The following SPARCL1 variants were observed in gnomAD, a reference collection of about 807,000 sequenced individuals.
SPARCL1 encodes the protein SPARC-like protein 1.
Under a neutral mutation model 67.1 loss-of-function variants are expected in SPARCL1, and 52 were observed. The ratio of observed to expected loss-of-function variants is 0.78; its 90% confidence interval spans 0.62 to 0.98. The LOEUF is 0.98. Ranked by LOEUF, SPARCL1 falls within the 50% of genes least tolerant of loss-of-function variation. SPARCL1 has a pLI of 0.00. For missense variants in SPARCL1, 717 were observed against 782.4 expected (o/e 0.92, Z 1.00); for synonymous variants, 226 against 267.8 (o/e 0.84, Z 1.52).
rs1046006383 is a variant in SPARCL1 at position 87,480,253 on chromosome 4, A to G, written c.1817+119T>C. On this transcript the variant is annotated intron_variant, in intron 9 of 10. Coordinates refer to ENST00000282470, the MANE Select transcript of SPARCL1 (RefSeq NM_004684.6). ...GTTTAGACTCCTAACCAGGCATTTCAGTATTCTAAAATGGAACTGGGAAAT... is the reference window on the plus strand; with the variant it reads ...GTTTAGACTCCTAACCAGGCATTTCGGTATTCTAAAATGGAACTGGGAAAT... 5 of 781,120 alleles carry G rather than the reference A, an allele frequency of 6.4e-6. No homozygotes were observed. In the African/African-American group the frequency reaches 7.1e-5, roughly 11 times the overall value. The allele number at this position is 781,120 out of a possible 1,614,324, so 48.4% of individuals were successfully genotyped here.
intron 1 of SPARCL1, among the ~76,000 whole-genome samples, chr4:87,514,110 C>T (rs1725486083): frequency 6.6e-6 from 1 of 152,172 alleles, no homozygotes; most frequent in South Asian, 2.1e-4. Context: ...AGGAGAATTT[C>T]TTGAACCCAG....
At chr4:87,489,708 C>T in intron 7 of SPARCL1, among the ~76,000 whole-genome samples, 1 of 152,176 alleles carries the variant, frequency 6.6e-6, no homozygotes, top group East Asian at 1.9e-4. Context: ...GATATATGGT[C>T]ATACCTAACG....
At chr4:87,497,973 G>A (rs556648671) in intron 2 of SPARCL1, among the ~76,000 whole-genome samples, 8 of 152,156 alleles carry the variant, frequency 5.3e-5, no homozygotes, top group South Asian at 4.2e-4. Flanking sequence ...TACCCAGGCC[G>A]GTCTTGAACT....
intron 1 of SPARCL1, among the ~76,000 whole-genome samples, chr4:87,525,603 G>A (rs773990509): frequency 3.7e-4 from 56 of 152,124 alleles, no homozygotes; most frequent in Non-Finnish European, 6.0e-4. Context: ...TCCCCTGTAT[G>A]CCACAGTAAA....
intron 1 of SPARCL1, among the ~76,000 whole-genome samples, chr4:87,510,033 T>C (rs1386604838): frequency 6.6e-6 from 1 of 152,210 alleles, no homozygotes; most frequent in Non-Finnish European, 1.5e-5. Flanking sequence ...CAAGACTTTT[T>C]TGAGTTGGTT....
At chr4:87,499,205 A>T (rs1471483778) in intron 2 of SPARCL1, among the ~76,000 whole-genome samples, 2 of 152,114 alleles carry the variant, frequency 1.3e-5, no homozygotes, top group Admixed American at 1.3e-4. Context: ...TAACAATGTG[A>T]TGAGCTTCCC....
chr4:87,514,197 A>G (rs893292958), intron 1 of SPARCL1, among the ~76,000 whole-genome samples: 2 of 152,228 alleles, frequency 1.3e-5, no homozygotes, highest in Non-Finnish European at 2.9e-5. Context: ...CAAAAAAAAG[A>G]AAAAAGATTA....
rs769178403 is a variant in SPARCL1, at chr4:87,482,526, C to T, written c.1566G>A (p.Gln522=). The change falls in exon 8 of 11, where the codon CAG becomes CAA. Residue 522 remains glutamine, a synonymous_variant. Coordinates refer to ENST00000282470, the MANE Select transcript of SPARCL1 (RefSeq NM_004684.6). ...GCCAGTCTCTCATCCGTAGAGGAAA[C>T]TGAATCACTTCAAAGTCCGTACAAG... The part of the protein sequence containing the change: ...IPTCTDFEVI[Q]FPLRMRDWLK... 17 of 1,613,912 alleles carry T rather than the reference C, an allele frequency of 1.1e-5. No homozygotes were observed. The South Asian group carries it at 1.9e-4, about 18-fold the overall frequency.
Position 87,493,726 on chromosome 4 carries a change from A to G in SPARCL1, c.1074T>C (p.Ser358=), listed in dbSNP as rs145979726. The change falls in exon 4 of 11, where the codon AGT becomes AGC. Residue 358 remains serine, a synonymous_variant. Coordinates refer to ENST00000282470, the MANE Select transcript of SPARCL1 (RefSeq NM_004684.6). ...CCTGGCTTGGGATGAAGTAGTCATC[A>G]CTTGCACTGTGCCTGGGGCCATCAG... ...GGTDGPRHSA[S]DDYFIPSQAF... 59 of 1,614,142 alleles carry G rather than the reference A, an allele frequency of 3.7e-5. 1 individual carries two copies. In the East Asian group the frequency reaches 1.3e-3, roughly 36 times the overall value.
At chr4:87,520,923 A>G (rs996499459) in intron 1 of SPARCL1, among the ~76,000 whole-genome samples, 1 of 152,220 alleles carries the variant, frequency 6.6e-6, no homozygotes, top group African/African-American at 2.4e-5. Flanking sequence ...TGTATCTCCT[A>G]GAAAAGAGGA....
At chr4:87,477,450 G>A (rs1482988314) in intron 10 of SPARCL1, among the ~76,000 whole-genome samples, 2 of 152,196 alleles carry the variant, frequency 1.3e-5, no homozygotes, top group South Asian at 2.1e-4. Context: ...TCCTCCTGCT[G>A]TAGCAGGATT....
intron 1 of SPARCL1, among the ~76,000 whole-genome samples, chr4:87,516,223 C>A (rs1374105705): frequency 6.6e-6 from 1 of 152,158 alleles, no homozygotes. Context: ...GATCCTGTGC[C>A]ACTCCAGATC....
intron 1 of SPARCL1, among the ~76,000 whole-genome samples, chr4:87,510,943 C>T (rs1725323876): frequency 6.6e-6 from 1 of 152,242 alleles, no homozygotes; most frequent in Non-Finnish European, 1.5e-5. Context: ...GGAGTTTGCT[C>T]CTGCTGGTGC....
At chr4:87,500,490 C>T (rs890020594) in intron 1 of SPARCL1, among the ~76,000 whole-genome samples, 2 of 152,044 alleles carry the variant, frequency 1.3e-5, no homozygotes, top group South Asian at 4.1e-4. Context: ...CAGGATATCC[C>T]TAAGTCTGGT....
rs375106567 is a variant in SPARCL1, at chr4:87,520,350, A to T, written c.-12+8695T>A. On this transcript the variant is annotated intron_variant, in intron 1 of 10. Transcript: ENST00000282470. ...CATTTAACATGGCATTCCAAGTTCAATAAGAAAAGTCATCTTGCCGGAAAA... is the reference window on the plus strand; with the variant it reads ...CATTTAACATGGCATTCCAAGTTCATTAAGAAAAGTCATCTTGCCGGAAAA... Among the ~76,000 whole-genome samples, 28 of 152,062 alleles carry T rather than the reference A, an allele frequency of 1.8e-4. No homozygotes were observed. The East Asian group carries it at 3.3e-3, about 18-fold the overall frequency.
intron 1 of SPARCL1, among the ~76,000 whole-genome samples, chr4:87,522,685 A>G (rs868642996): frequency 7.8e-4 from 111 of 141,766 alleles, no homozygotes; most frequent in African/African-American, 2.5e-3. Flanking sequence ...ACACACACGC[A>G]CACACACAGA....
intron 4 of SPARCL1, among the ~76,000 whole-genome samples, chr4:87,493,141 A>G (rs1724427741): frequency 6.6e-6 from 1 of 152,168 alleles, no homozygotes; most frequent in Non-Finnish European, 1.5e-5. Context: ...AAATCATGGA[A>G]ATTGACCTGG....
rs747113366 is a variant in SPARCL1, at chr4:87,490,391, A to G, written c.1413T>C (p.Val471=). ...CATAGGTCTGATTGTCAGTGCCACA[A>G]ACCTATGGAAGATAAGTAGAAGAAA... The part of the protein sequence containing the change: ...TCPPTKPLDQ[V]CGTDNQTYAS... The change falls in exon 7 of 11, where the codon GTT becomes GTC. Residue 471 remains valine (V), a splice_region_variant and synonymous_variant. Transcript: ENST00000282470. The G allele has an allele frequency of 6.2e-7, 1 of 1,602,782 alleles. No individual in the cohort carries two copies. Among genetic ancestry groups the G allele is most frequent in the Non-Finnish European group, 8.5e-7 (1 of 1,176,826 alleles).
At chr4:87,480,820 C>CCTTTT (rs59503255) in intron 8 of SPARCL1, among the ~76,000 whole-genome samples, 88 of 133,378 alleles carry the variant, frequency 6.6e-4, no homozygotes, top group Middle Eastern at 4.2e-3. Flanking sequence ...ATGTTCGCTG[C>CCTTTT]TTTTTTTTTT....
Sources: gnomAD v4.1 joint callset for allele counts (sites outside exome capture counted in the v4.1 genomes callset) on GRCh38, gnomAD v4.1.1 for gene constraint, MANE v1.5 for transcripts, NCBI Gene and HGNC (gene_info 2026-07-23, HGNC 2026-07-21) for gene names.